The following MSH3 variants were observed in gnomAD, a reference collection of about 807,000 sequenced individuals.
The protein encoded by MSH3 is DNA mismatch repair protein Msh3.
In MSH3, 106 loss-of-function variants were observed where a neutral mutation model predicts 123.3. The observed-to-expected ratio is 0.86, with a 90% CI of 0.73 to 1.01. The LOEUF is 1.01. Ranked by LOEUF, MSH3 falls within the 50% of genes least tolerant of loss-of-function variation. MSH3 has a pLI of 0.00. For synonymous variants in MSH3, 515 were observed against 481.4 expected, an observed-to-expected ratio of 1.07 and a Z score of -0.91; for missense variants, 1,459 against 1,347.6, an observed-to-expected ratio of 1.08 and a Z score of -1.29.
intron 12 of MSH3, among the ~76,000 whole-genome samples, chr5:80,757,785 T>C (rs1158011710): frequency 6.6e-6 from 1 of 152,150 alleles, no homozygotes; most frequent in Non-Finnish European, 1.5e-5. Context: ...AGATAATAAT[T>C]CTCTATTGTG....
chr5:80,771,210 A>G (rs1210225644), intron 15 of MSH3, among the ~76,000 whole-genome samples: 2 of 152,208 alleles, frequency 1.3e-5, no homozygotes, highest in African/African-American at 4.8e-5. Flanking sequence ...AAAAACGACT[A>G]CAGTGGCTCA....
At chr5:80,805,368 T>C (rs1389052447) in intron 19 of MSH3, among the ~76,000 whole-genome samples, 3 of 152,200 alleles carry the variant, frequency 2.0e-5, no homozygotes, top group Non-Finnish European at 4.4e-5. Flanking sequence ...CTTCTTAATA[T>C]TATTTTTTAC....
In MSH3 at chr5:80,675,016, T is replaced by C. The variant is rs1377518925; in HGVS notation, c.1061T>C (p.Val354Ala). Residue 354 changes from valine (V) to alanine (A), a missense_variant, in exon 7 of 24, where the codon GTA (valine) becomes GCA (alanine). Coordinates refer to ENST00000265081, the MANE Select transcript of MSH3 (RefSeq NM_002439.5). The part of the protein sequence containing the change: ...VNPLIKLDDA[V>A]NVDEIMTDTS... ...CCCCTAATCAAGCTGGATGATGCTG[T>C]AAATGTTGATGAGATAATGACTGAT... The C allele has an allele frequency of 6.2e-7, 1 of 1,611,990 alleles. No homozygotes were observed. The highest frequency in any genetic ancestry group is 8.5e-7 in the Non-Finnish European group (1 of 1,178,218).
chr5:80,671,128 A>C (rs2112813045), intron 4 of MSH3, among the ~76,000 whole-genome samples: 1 of 152,244 alleles, frequency 6.6e-6, no homozygotes, highest in African/African-American at 2.4e-5. Flanking sequence ...GTCTCAAAAA[A>C]AAAAAAAAAT....
chr5:80,670,453 A>C (rs956898671), intron 4 of MSH3, 144 bp downstream of exon 4: 2 of 914,840 alleles, frequency 2.2e-6, no homozygotes, highest in Non-Finnish European at 3.3e-6. Flanking sequence ...TAAAGTAAAA[A>C]CTAAAAATGA....
At chr5:80,720,042 T>C (rs1751048791) in intron 8 of MSH3, among the ~76,000 whole-genome samples, 1 of 152,218 alleles carries the variant, frequency 6.6e-6, no homozygotes, top group Non-Finnish European at 1.5e-5. Context: ...GGTATAGCTC[T>C]CTGTGGCCTT....
In MSH3 at chr5:80,761,662, G is replaced by GCATT; in HGVS notation, c.1881_1884dup (p.Tyr629HisfsTer33). 6.2e-7 allele frequency: 1 copy of GCATT among 1,614,072 alleles called. No individual in the cohort carries two copies. Among genetic ancestry groups the GCATT allele is most frequent in the Non-Finnish European group, 8.5e-7 (1 of 1,180,008 alleles). On this transcript the variant is annotated frameshift_variant, in exon 13 of 24. Coordinates refer to ENST00000265081, the MANE Select transcript of MSH3 (RefSeq NM_002439.5). LOFTEE classifies it high-confidence loss of function. ...CCCGACATAGAGAGGGGACTCTGTAGCATTTATCACAAAAAAGTAAGTGTG... is the reference window on the plus strand; with the variant it reads ...CCCGACATAGAGAGGGGACTCTGTAGCATTCATTTATCACAAAAAAGTAAGTGTG...
chr5:80,824,058 TA>T (rs1157402351), intron 20 of MSH3, among the ~76,000 whole-genome samples: 1 of 152,238 alleles, frequency 6.6e-6, no homozygotes, highest in Non-Finnish European at 1.5e-5. Flanking sequence ...GAATCTTTCT[TA>T]GTACAGAGCA....
chr5:80,767,846 A>G, intron 13 of MSH3, 87 bp from the exon 14 acceptor site: 2 of 1,040,864 alleles, frequency 1.9e-6, no homozygotes, highest in African/African-American at 1.6e-5. Flanking sequence ...ACTTTCCTCA[A>G]TTCTGATTCT....
chr5:80,831,846 C>G lies in MSH3; in HGVS notation c.2813+18105C>G, dbSNP rs245386. On this transcript the variant is annotated intron_variant, in intron 20 of 23. Transcript: ENST00000265081. ...TCTCCAGGTTGGGCGTGGTGGCTGA[C>G]TCCTGTAATCCCAGCACTTTGGGAG... Among the ~76,000 whole-genome samples the G allele has an allele frequency of 4.4e-4, 67 of 152,094 alleles. 2 individuals are homozygous for G. Among genetic ancestry groups the G allele is most frequent in the Middle Eastern group, 3.4e-3 (1 of 294 alleles).
At chr5:80,797,967 A>G (rs1041696373) in intron 19 of MSH3, among the ~76,000 whole-genome samples, 6 of 151,126 alleles carry the variant, frequency 4.0e-5, no homozygotes, top group African/African-American at 1.5e-4. Context: ...TTTTTTTTTT[A>G]GTGGATGGAT....
At chr5:80,786,108 A>G (rs972531245) in intron 17 of MSH3, among the ~76,000 whole-genome samples, 2 of 152,084 alleles carry the variant, frequency 1.3e-5, no homozygotes, top group African/African-American at 4.8e-5. Context: ...TAACCTGCAC[A>G]TTGTGCACAT....
intron 8 of MSH3, among the ~76,000 whole-genome samples, chr5:80,690,452 C>T (rs983511991): frequency 3.3e-5 from 5 of 152,016 alleles, no homozygotes; most frequent in African/African-American, 1.2e-4. Context: ...GGATTACAGG[C>T]GCCCGCCACC....
At chr5:80,655,058 A>G (rs1199451164) in intron 1 of MSH3, 94 bp downstream of exon 1, 2 of 709,584 alleles carry the variant, frequency 2.8e-6, no homozygotes, top group East Asian at 3.3e-5. Context: ...CCGCCCGATG[A>G]TAGGGCTGGA....
At chr5:80,803,835 T>A (rs1181441992) in intron 19 of MSH3, among the ~76,000 whole-genome samples, 1 of 152,224 alleles carries the variant, frequency 6.6e-6, no homozygotes, top group Non-Finnish European at 1.5e-5. Context: ...GCATATGTTC[T>A]TGGCACCTTT....
At chr5:80,721,944 C>T (rs905924343) in intron 8 of MSH3, among the ~76,000 whole-genome samples, 3 of 152,128 alleles carry the variant, frequency 2.0e-5, no homozygotes, top group African/African-American at 7.2e-5. Context: ...ATGTCTACCA[C>T]ATTACTGTCT....
chr5:80,731,981 T>C (rs1285751654), intron 10 of MSH3, among the ~76,000 whole-genome samples: 2 of 152,202 alleles, frequency 1.3e-5, no homozygotes, highest in African/African-American at 4.8e-5. Flanking sequence ...TGATATACGT[T>C]TATTTAAAGG....
Position 80,873,243 on chromosome 5 carries a change from A to G in MSH3, c.3258A>G (p.Ala1086=), listed in dbSNP as rs1166987654. The G allele has an allele frequency of 1.9e-6, 3 of 1,614,028 alleles. No homozygotes were observed. The highest frequency in any genetic ancestry group is 2.5e-6 in the Non-Finnish European group (3 of 1,179,952). ...ADVPGEILKK[A]AHKSKELEGL... is the part of the protein sequence containing the mutation. ...TTCCTGGAGAAATTTTGAAGAAAGC[A>G]GCTCACAAGTCAAAAGAGCTGGAAG... Residue 1086 remains alanine (A), a synonymous_variant, in exon 23 of 24, where the codon GCA becomes GCG. Coordinates refer to ENST00000265081, the MANE Select transcript of MSH3 (RefSeq NM_002439.5).
intron 17 of MSH3, 31 bp downstream of exon 17, chr5:80,778,867 C>A: frequency 8.1e-7 from 1 of 1,241,402 alleles, no homozygotes; most frequent in Non-Finnish European, 1.2e-6. Flanking sequence ...TATAATCTGA[C>A]TTTTTGCTAT....
Sources: gnomAD v4.1 joint callset for allele counts (sites outside exome capture counted in the v4.1 genomes callset) on GRCh38, gnomAD v4.1.1 for gene constraint, MANE v1.5 for transcripts, NCBI Gene and HGNC (gene_info 2026-07-23, HGNC 2026-07-21) for gene names.